NAA38: variants seen among roughly 807,000 people sequenced by gnomAD.
NAA38 encodes N-alpha-acetyltransferase 38, NatC auxiliary subunit, also known as LSM domain containing 1.
In NAA38, 15 loss-of-function variants were observed where a neutral mutation model predicts 12.6. The ratio of observed to expected loss-of-function variants is 1.19; its 90% CI spans 0.79 to 1.83. NAA38 has a LOEUF of 1.83. Among genes scored for constraint, NAA38 ranks in the 40% most tolerant of loss-of-function variants. The pLI, the probability that NAA38 is intolerant of heterozygous loss-of-function variation, is 0.00. For missense variants in NAA38, 183 were observed against 171.7 expected (o/e 1.07, Z -0.37); for synonymous variants, 88 against 69.9 (o/e 1.26, Z -1.29).
At chr17:7,860,748 C>T (rs964248960), upstream of NAA38, 1 of 152,204 alleles carries the variant, frequency 6.6e-6, no homozygotes, top group Admixed American at 6.5e-5. Context: ...CAGAGTTCTC[C>T]TGTGGCGAAG....
upstream of NAA38, chr17:7,860,678 C>T (rs2078876297): frequency 6.6e-6 from 1 of 152,164 alleles, no homozygotes; most frequent in South Asian, 2.1e-4. Context: ...GATCCCTGCA[C>T]AATAGGAAAT....
At chr17:7,858,778 G>A (rs2078857554), upstream of NAA38, 2 of 1,581,318 alleles carry the variant, frequency 1.3e-6, no homozygotes, top group African/African-American at 2.7e-5. Flanking sequence ...AAGACCCGGA[G>A]CATCCGCATC....
intron 2 of NAA38, among the ~76,000 whole-genome samples, chr17:7,867,518 T>C (rs1282958435): frequency 6.6e-6 from 1 of 152,150 alleles, no homozygotes; most frequent in African/African-American, 2.4e-5. Context: ...TTTGTATTTT[T>C]AGTAGAGACG....
intron 2 of NAA38, among the ~76,000 whole-genome samples, chr17:7,872,198 T>C (rs910721479): frequency 6.6e-6 from 1 of 152,360 alleles, no homozygotes; most frequent in Admixed American, 6.5e-5. Context: ...TTTAGTTTCA[T>C]TGAGTTAAAT....
intron 2 of NAA38, among the ~76,000 whole-genome samples, chr17:7,872,659 G>C (rs758686197): frequency 2.2e-4 from 34 of 152,162 alleles, no homozygotes; most frequent in Non-Finnish European, 1.6e-4. Flanking sequence ...CTGTGCCCGG[G>C]CAATTTTTGT....
intron 2 of NAA38, among the ~76,000 whole-genome samples, chr17:7,882,012 T>G (rs1967281346): frequency 6.8e-6 from 1 of 147,860 alleles, no homozygotes; most frequent in Admixed American, 6.7e-5. Context: ...AGAAGAAAAA[T>G]CAAGAGGTCA....
chr17:7,866,463 C>T, intron 3 of NAA38: 1 of 1,231,380 alleles, frequency 8.1e-7, no homozygotes, highest in South Asian at 4.1e-5. Context: ...CAACCTACTT[C>T]TCTTAAGATG....
At chr17:7,875,417 G>C (rs1490544244) in intron 2 of NAA38, among the ~76,000 whole-genome samples, 1 of 151,926 alleles carries the variant, frequency 6.6e-6, no homozygotes, top group African/African-American at 2.4e-5. Flanking sequence ...CTCACTGCAG[G>C]CTCCAGCTCC....
intron 1 of NAA38, among the ~76,000 whole-genome samples, chr17:7,884,462 ATATATATATATATATG>A (rs1192628088): frequency 1.5e-5 from 2 of 136,344 alleles, no homozygotes; most frequent in African/African-American, 2.9e-5. Flanking sequence ...ATATACATAT[ATATATATATATATATG>A]TATATATATA....
At chr17:7,883,182 T>C (rs894551653) in intron 2 of NAA38, 1 of 152,294 alleles carries the variant, frequency 6.6e-6, no homozygotes, top group East Asian at 1.9e-4. Flanking sequence ...TGGGGTACAG[T>C]TGGAAATCAC....
upstream of NAA38, chr17:7,860,389 C>T (rs1228202254): frequency 2.6e-5 from 4 of 152,214 alleles, no homozygotes; most frequent in Admixed American, 2.6e-4. Context: ...CTCAAGTGAT[C>T]CTCTTGCCTC....
At chr17:7,883,299 G>C (rs534673068) in exon 2 of NAA38, 2 of 152,200 alleles carry the variant, frequency 1.3e-5, no homozygotes, top group South Asian at 4.1e-4. Context: ...CTACTTTATC[G>C]GATAGTGTTG....
intron 2 of NAA38, among the ~76,000 whole-genome samples, chr17:7,881,574 A>C (rs754758094): frequency 9.2e-5 from 14 of 151,748 alleles, no homozygotes; most frequent in Non-Finnish European, 2.1e-4. Context: ...GGCAGAGAAG[A>C]AGCAAAGGAA....
upstream of NAA38, chr17:7,859,660 G>C: frequency 1.3e-6 from 2 of 1,584,030 alleles, no homozygotes; most frequent in Non-Finnish European, 1.7e-6. Flanking sequence ...TTCGAGTTTG[G>C]CTTTTTCTGT....
chr17:7,856,843 T>A lies in NAA38; in HGVS notation c.266A>T (p.Asp89Val). The A allele has an allele frequency of 6.2e-7, 1 of 1,613,490 alleles. No individual in the cohort carries two copies. The highest frequency in any genetic ancestry group is 8.5e-7 in the Non-Finnish European group (1 of 1,179,930). The change falls in exon 3 of 3, where the codon GAT becomes GTT. Residue 89 changes from aspartate (D) to valine (V), a missense_variant and splice_region_variant. By Grantham distance (152) the Asp-to-Val change is radical. Transcript: ENST00000575771. Reference protein sequence around the residue: ...GSAQEFLKPSDSFSAGEPRVL... With the variant: ...GSAQEFLKPSVSFSAGEPRVL... ...ACGGGGCTCCCCGGCAGAGAAGGAA[T>A]CTGGAAAGAAGGATCAGAGCATCAG...
chr17:7,884,201 A>C (rs902263976), intron 1 of NAA38, among the ~76,000 whole-genome samples: 2 of 151,230 alleles, frequency 1.3e-5, no homozygotes, highest in Non-Finnish European at 2.9e-5. Context: ...GGGGTGTAAC[A>C]GGGAGGAGAA....
At chr17:7,865,930 C>G (rs1373880129) in intron 3 of NAA38, 1 of 152,146 alleles carries the variant, frequency 6.6e-6, no homozygotes, top group African/African-American at 2.4e-5. Context: ...TACTGAGCAT[C>G]TGTCAGGCAC....
At chr17:7,857,244 C>A (rs1449338882) in intron 1 of NAA38, 46 bp from the exon 2 acceptor site, 2 of 1,610,264 alleles carry the variant, frequency 1.2e-6, no homozygotes, top group Admixed American at 3.3e-5. Flanking sequence ...CCCAGGCTGC[C>A]CGCCCGCGGA....
chr17:7,870,814 G>T (rs1431894987), intron 2 of NAA38, among the ~76,000 whole-genome samples: 1 of 151,802 alleles, frequency 6.6e-6, no homozygotes, highest in Non-Finnish European at 1.5e-5. Flanking sequence ...TTGAACCTGG[G>T]AGGTGGAGGT....
Sources: allele counts gnomAD v4.1 joint callset (sites outside exome capture counted in the v4.1 genomes callset), GRCh38; gene constraint gnomAD v4.1.1; transcripts MANE v1.5; gene names NCBI Gene and HGNC (gene_info 2026-07-23, HGNC 2026-07-21).